HTR2A: variants seen among roughly 807,000 people sequenced by gnomAD.
The protein encoded by HTR2A is 5-HT2 receptor.
In HTR2A, 14 loss-of-function variants were observed where a neutral mutation model predicts 31.0. That is an observed-to-expected ratio of 0.45 (90% CI 0.30 to 0.71). The LOEUF (loss-of-function observed/expected upper bound fraction) is 0.71. Ranked by LOEUF, HTR2A falls within the 30% of genes least tolerant of loss-of-function variation. The pLI is 0.09. For synonymous variants in HTR2A, 209 were observed against 225.2 expected (o/e 0.93, Z 0.64); for missense variants, 442 against 573.3 (o/e 0.77, Z 2.34).
At chr13:46,837,570 A>G (rs1400536122) in intron 3 of HTR2A, among the ~76,000 whole-genome samples, 1 of 152,168 alleles carries the variant, frequency 6.6e-6, no homozygotes, top group African/African-American at 2.4e-5. Context: ...TTAGAGTCTA[A>G]TACATGGTCT....
At chr13:46,841,145 C>G (rs931032839) in intron 3 of HTR2A, among the ~76,000 whole-genome samples, 11 of 152,182 alleles carry the variant, frequency 7.2e-5, no homozygotes, top group Non-Finnish European at 1.5e-4. Flanking sequence ...TTCCTGAGGC[C>G]TCCCCAGCCA....
rs1951061309 is a variant in HTR2A, at chr13:46,892,450, G to A, written c.553C>T (p.Arg185Cys). The change falls in exon 3 of 4, where the codon CGC (arginine) becomes TGC (cysteine). Residue 185 changes from arginine (R) to cysteine (C), a missense_variant. Transcript: ENST00000542664. ...VAIQNPIHHS[R>C]FNSRTKAFLK... ...AATGCCTTAGTTCTGGAGTTGAAGC[G>A]GCTGTGGTGGATGGGATTCTGGATG... 4 of 1,614,224 alleles carry A rather than the reference G, an allele frequency of 2.5e-6. No individual in the cohort carries two copies. The highest frequency in any genetic ancestry group is 2.5e-6 in the Non-Finnish European group (3 of 1,180,046).
intron 3 of HTR2A, among the ~76,000 whole-genome samples, chr13:46,867,556 T>A (rs1282668832): frequency 2.0e-5 from 3 of 152,212 alleles, no homozygotes; most frequent in Non-Finnish European, 2.9e-5. Context: ...CTCCAGAACA[T>A]CTCTTGAAGG....
intron 3 of HTR2A, among the ~76,000 whole-genome samples, chr13:46,872,898 T>A (rs537080200): frequency 2.0e-3 from 310 of 152,218 alleles, no homozygotes; most frequent in African/African-American, 7.2e-3. Flanking sequence ...ATTATTATTA[T>A]TATTATTTTG....
chr13:46,867,448 T>C (rs1355402005), intron 3 of HTR2A, among the ~76,000 whole-genome samples: 3 of 152,242 alleles, frequency 2.0e-5, no homozygotes, highest in Non-Finnish European at 2.9e-5. Flanking sequence ...CTGTTTACTA[T>C]GAATTTGTAG....
intron 3 of HTR2A, among the ~76,000 whole-genome samples, chr13:46,852,503 A>G (rs1950694478): frequency 6.6e-6 from 1 of 152,236 alleles, no homozygotes. Flanking sequence ...ATTCGCTACA[A>G]AAGTTCTTTG....
chr13:46,875,551 C>A (rs1350365335), intron 3 of HTR2A, among the ~76,000 whole-genome samples: 1 of 152,016 alleles, frequency 6.6e-6, no homozygotes, highest in Non-Finnish European at 1.5e-5. Flanking sequence ...TTTAAAGTGC[C>A]ACCATACTTC....
At chr13:46,881,353 G>T (rs1156757784) in intron 3 of HTR2A, among the ~76,000 whole-genome samples, 2 of 152,162 alleles carry the variant, frequency 1.3e-5, no homozygotes, top group African/African-American at 4.8e-5. Flanking sequence ...ATACTCTAGA[G>T]ACAGTAGCAC....
chr13:46,841,715 C>T (rs949887385), intron 3 of HTR2A, among the ~76,000 whole-genome samples: 2 of 151,994 alleles, frequency 1.3e-5, no homozygotes, highest in African/African-American at 4.8e-5. Flanking sequence ...TTTTCTTTTC[C>T]ATTTCATAGC....
intron 3 of HTR2A, among the ~76,000 whole-genome samples, chr13:46,884,123 A>C (rs626318): frequency 1 from 151,947 of 152,382 alleles, 75,757 homozygotes; most frequent in Middle Eastern, 1. Flanking sequence ...CAGCTGCATT[A>C]TGGATCATCT....
intron 3 of HTR2A, among the ~76,000 whole-genome samples, chr13:46,838,936 C>A (rs936821377): frequency 6.6e-6 from 1 of 151,500 alleles, no homozygotes; most frequent in Admixed American, 6.6e-5. Flanking sequence ...ATGCCAAATT[C>A]TTTAATTATT....
Position 46,896,055 on chromosome 13 carries a change from A to G in HTR2A, c.-149T>C. ...CGGGGCTGGATTTTTGTCTTCCATT[A>G]TTACAATGATAGTTAAAGAACTGAA... On this transcript the variant is annotated 5_prime_UTR_variant, in exon 2 of 4. Transcript: ENST00000542664. 7.1e-7 allele frequency: 1 copy of G among 1,405,772 alleles called. No homozygotes were observed. The highest frequency in any genetic ancestry group is 9.2e-7 in the Non-Finnish European group (1 of 1,087,078). The allele number at this position is 1,405,772 out of a possible 1,614,324, so 87.1% of individuals were successfully genotyped here.
At chr13:46,888,576 G>A (rs757256298) in intron 3 of HTR2A, among the ~76,000 whole-genome samples, 10 of 152,014 alleles carry the variant, frequency 6.6e-5, no homozygotes, top group Non-Finnish European at 8.8e-5. Flanking sequence ...CAGAACAAAC[G>A]ACATGATATT....
At chr13:46,864,996 C>G (rs1950808530) in intron 3 of HTR2A, among the ~76,000 whole-genome samples, 1 of 152,060 alleles carries the variant, frequency 6.6e-6, no homozygotes, top group Non-Finnish European at 1.5e-5. Flanking sequence ...CCAACCTAAC[C>G]TCATATTGAT....
At chr13:46,887,234 A>G (rs1243609458) in intron 3 of HTR2A, among the ~76,000 whole-genome samples, 1 of 152,012 alleles carries the variant, frequency 6.6e-6, no homozygotes, top group Non-Finnish European at 1.5e-5. Flanking sequence ...CCTGGCTAAC[A>G]TGGTGAAACC....
chr13:46,852,846 A>G (rs77842053), intron 3 of HTR2A, among the ~76,000 whole-genome samples: 2,160 of 152,320 alleles, frequency 0.014, 25 homozygotes, highest in South Asian at 0.036. Context: ...TTGAAACTGT[A>G]GATAATCTGG....
Position 46,834,809 on chromosome 13 carries a change from T to A in HTR2A, c.*28A>T, listed in dbSNP as rs200080463. The A allele has an allele frequency of 1.3e-6, 2 of 1,564,202 alleles. No individual in the cohort carries two copies. The highest frequency in any genetic ancestry group is 3.7e-5 in the Admixed American group (2 of 53,578). On this transcript the variant is annotated 3_prime_UTR_variant, in exon 4 of 4. Transcript: ENST00000542664. ...TAGGTGAAAACTTGCTCAGTGTGCC[T>A]TCCACAGTTGCCACGGCAACTAGCC...
intron 3 of HTR2A, among the ~76,000 whole-genome samples, chr13:46,873,873 A>G (rs1326680208): frequency 6.6e-6 from 1 of 152,178 alleles, no homozygotes; most frequent in Non-Finnish European, 1.5e-5. Flanking sequence ...AGTGCTGGCT[A>G]AGGCAGTTCA....
Position 46,883,159 on chromosome 13 carries a change from A to G in HTR2A, c.613+9231T>C, listed in dbSNP as rs118008930. Among the ~76,000 whole-genome samples, 999 of 152,232 alleles carry G rather than the reference A, an allele frequency of 6.6e-3. 5 individuals carry two copies. The highest frequency in any genetic ancestry group is 0.011 in the Non-Finnish European group (714 of 67,988). On this transcript the variant is annotated intron_variant, in intron 3 of 3. Transcript: ENST00000542664. ...TATACTAAATCAACACAAAACTACA[A>G]TGAGATTTTATCATTTTCTCTGTCC...
Sources: allele counts gnomAD v4.1 joint callset (sites outside exome capture counted in the v4.1 genomes callset), GRCh38; gene constraint gnomAD v4.1.1; transcripts MANE v1.5; gene names NCBI Gene and HGNC (gene_info 2026-07-23, HGNC 2026-07-21).